DDX42: variants seen among roughly 807,000 people sequenced by gnomAD.
The protein encoded by DDX42 is DEAD-box helicase 42, also known as ATP-dependent RNA helicase DDX42.
Under a neutral mutation model 101.5 loss-of-function variants are expected in DDX42, and 22 were observed. The ratio of observed to expected loss-of-function variants is 0.22; its 90% confidence interval spans 0.15 to 0.31. The LOEUF (loss-of-function observed/expected upper bound fraction) is 0.31. Among genes scored for constraint, DDX42 ranks in the 10% least tolerant of loss-of-function variants. The pLI, the probability that DDX42 is intolerant of heterozygous loss-of-function variation, is 1.00. For synonymous variants in DDX42, 402 were observed against 401.2 expected, an observed-to-expected ratio of 1.00 and a Z score of -0.02; for missense variants, 849 against 1,199.9, an observed-to-expected ratio of 0.71 and a Z score of 4.32.
In DDX42 at chr17:63,812,342, C is replaced by G. The variant is rs1324423631; in HGVS notation, c.1675+134C>G. 1.4e-5 allele frequency: 15 copies of G among 1,100,446 alleles called. No homozygotes were observed. The Admixed American group carries it at 3.9e-4, about 29-fold the overall frequency. 68.2% of individuals were successfully genotyped at this position (1,100,446 alleles called of 1,614,324 possible). On this transcript the variant is annotated intron_variant, in intron 14 of 17. Coordinates refer to ENST00000389924, the MANE Select transcript of DDX42 (RefSeq NM_203499.3). ...CTGGCTGGCCATCCCCTCCCAAACC[C>G]CCAAGGAAGCAGCAGTTCAGCACAG...
intron 6 of DDX42, among the ~76,000 whole-genome samples, chr17:63,802,139 A>G (rs1192049004): frequency 6.6e-6 from 1 of 152,126 alleles, no homozygotes; most frequent in African/African-American, 2.4e-5. Flanking sequence ...GTGGCACCAA[A>G]CTGTTCTAGT....
rs1172299811 is a variant in DDX42, at chr17:63,806,519, T to A, written c.727-16T>A. Reference sequence around the variant, plus strand: ...TTGAAGTACAAGTCATTCTGGGGAGTTGTCTCTATCTCTAGGTCTCTGGTG... The same window carrying A: ...TTGAAGTACAAGTCATTCTGGGGAGATGTCTCTATCTCTAGGTCTCTGGTG... On this transcript the variant is annotated splice_polypyrimidine_tract_variant and intron_variant, in intron 7 of 17. Coordinates refer to ENST00000389924, the MANE Select transcript of DDX42 (RefSeq NM_203499.3). The A allele has an allele frequency of 6.2e-7, 1 of 1,604,368 alleles. No homozygotes were observed. Among genetic ancestry groups the A allele is most frequent in the Non-Finnish European group, 8.5e-7 (1 of 1,175,684 alleles).
chr17:63,782,792 A>G (rs960336995), intron 1 of DDX42, among the ~76,000 whole-genome samples: 4 of 152,156 alleles, frequency 2.6e-5, no homozygotes, highest in Non-Finnish European at 5.9e-5. Context: ...TTTCAAAAAC[A>G]CTGATCTGAA....
intron 2 of DDX42, among the ~76,000 whole-genome samples, chr17:63,791,404 T>C (rs961059684): frequency 1.3e-5 from 2 of 152,164 alleles, no homozygotes; most frequent in Non-Finnish European, 2.9e-5. Context: ...CTCCACCTCC[T>C]GGGTTCAAGC....
At chr17:63,810,840 C>T (rs1236749631) in intron 12 of DDX42, among the ~76,000 whole-genome samples, 1 of 152,184 alleles carries the variant, frequency 6.6e-6, no homozygotes, top group East Asian at 1.9e-4. Flanking sequence ...TACAGATCTG[C>T]TGATTTGAAA....
intron 13 of DDX42, chr17:63,811,620 A>G: frequency 2.1e-6 from 1 of 486,142 alleles, no homozygotes; most frequent in Non-Finnish European, 3.7e-6. Context: ...TATGTGAAAA[A>G]TTACTCTGAA....
intron 1 of DDX42, among the ~76,000 whole-genome samples, chr17:63,785,031 G>T (rs898115722): frequency 6.6e-6 from 1 of 152,040 alleles, no homozygotes; most frequent in Non-Finnish European, 1.5e-5. Context: ...TTTTTAATTT[G>T]TGTGTATATA....
rs1310926895 is a variant in DDX42, at chr17:63,779,341, G to A, written c.-17+4965G>A. Among the ~76,000 whole-genome samples the A allele has an allele frequency of 2.0e-5, 3 of 152,218 alleles. No individual in the cohort carries two copies. The East Asian group carries it at 5.8e-4, about 29-fold the overall frequency. ...TGCATTGGCATGATCTCGGCCCACT[G>A]CAACCTCCGACTCCTGGGTTCAGGC... is the stretch of plus-strand genomic sequence containing the variant. On this transcript the variant is annotated intron_variant, in intron 1 of 17. Transcript: ENST00000389924.
chr17:63,781,071 T>G (rs2039482127), intron 1 of DDX42, among the ~76,000 whole-genome samples: 1 of 152,186 alleles, frequency 6.6e-6, no homozygotes, highest in Admixed American at 6.5e-5. Context: ...ATAAACAGCC[T>G]ACAAAGTACT....
At chr17:63,806,800 C>G (rs2039846662) in intron 8 of DDX42, 146 bp downstream of exon 8, 1 of 813,346 alleles carries the variant, frequency 1.2e-6, no homozygotes, top group Non-Finnish European at 1.7e-6. Context: ...TAAGAAGTCA[C>G]TAAATGGCTG....
chr17:63,815,535 A>G, intron 15 of DDX42, 28 bp from the exon 16 acceptor site: 1 of 1,541,848 alleles, frequency 6.5e-7, no homozygotes. Context: ...CCCTCCCTTG[A>G]CTTAACCTTG....
chr17:63,797,374 T>G (rs1345838959), intron 3 of DDX42, among the ~76,000 whole-genome samples: 1 of 120,500 alleles, frequency 8.3e-6, no homozygotes, highest in Non-Finnish European at 1.8e-5. Flanking sequence ...AAAAAAAGAA[T>G]TGCCTATGAA....
Position 63,811,144 on chromosome 17 carries a change from A to G in DDX42, c.1369A>G (p.Ile457Val), listed in dbSNP as rs747552625. Residue 457 changes from isoleucine to valine, a missense_variant, in exon 13 of 18, where the codon ATT becomes GTT. By Grantham distance (29) the Ile-to-Val change is conservative. This residue lies in a region of DDX42 where 370 missense variants were observed against 608.8 expected (regional missense o/e 0.61). Coordinates refer to ENST00000389924, the MANE Select transcript of DDX42 (RefSeq NM_203499.3). ...GGCCAGAGACATCCTGATCGACCCT[A>G]TTCGAGTGGTGCAGGGAGATATTGG... Reference protein sequence around the residue: ...KLARDILIDPIRVVQGDIGEA... With the variant: ...KLARDILIDPVRVVQGDIGEA... 5.6e-6 allele frequency: 9 copies of G among 1,614,150 alleles called. No homozygotes were observed. The highest frequency in any genetic ancestry group is 8.5e-7 in the Non-Finnish European group (1 of 1,180,010).
chr17:63,784,518 G>A (rs911684538), intron 1 of DDX42, among the ~76,000 whole-genome samples: 1 of 152,190 alleles, frequency 6.6e-6, no homozygotes, highest in African/African-American at 2.4e-5. Flanking sequence ...TGTGAGTCAT[G>A]TCTGTTAATT....
intron 8 of DDX42, 109 bp downstream of exon 8, chr17:63,806,763 G>A (rs753865583): frequency 4.2e-5 from 50 of 1,197,470 alleles, no homozygotes; most frequent in Middle Eastern, 2.2e-4. Flanking sequence ...GAACCTTGTT[G>A]ATAAGGATAG....
chr17:63,799,066 G>T (rs59072233), intron 4 of DDX42, among the ~76,000 whole-genome samples: 3,579 of 152,226 alleles, frequency 0.024, 156 homozygotes, highest in African/African-American at 0.082. Context: ...CTGTTTAAGC[G>T]TTTTATTCCC....
Position 63,808,927 on chromosome 17 carries a change from A to G in DDX42, c.1131A>G (p.Ala377=), listed in dbSNP as rs767198791. 15 of 1,613,784 alleles carry G rather than the reference A, an allele frequency of 9.3e-6. No homozygotes were observed. The African/African-American group carries it at 1.7e-4, about 19-fold the overall frequency. Residue 377 remains alanine (A), a synonymous_variant, in exon 10 of 18, where the codon GCA becomes GCG. Transcript: ENST00000389924. The stretch of plus-strand genomic sequence containing the variant: ...AGGCCAAGGCCCTTCAGGAGGGGGC[A>G]GAGATTGTTGTGTGTACCCCAGTAA... ...WEQAKALQEG[A]EIVVCTPGRL... is the part of the protein sequence containing the mutation.
chr17:63,792,595 G>A, intron 3 of DDX42, 33 bp downstream of exon 3: 1 of 1,590,964 alleles, frequency 6.3e-7, no homozygotes, highest in Non-Finnish European at 8.6e-7. Context: ...AAAATATTTA[G>A]CAGTTAGAAA....
chr17:63,794,286 A>G (rs950083905), intron 3 of DDX42, among the ~76,000 whole-genome samples: 3 of 152,136 alleles, frequency 2.0e-5, no homozygotes, highest in African/African-American at 4.8e-5. Context: ...GCTCATACCT[A>G]TAATCCCAGC....
Sources: allele counts gnomAD v4.1 joint callset (sites outside exome capture counted in the v4.1 genomes callset), GRCh38; gene constraint gnomAD v4.1.1; regional missense constraint gnomAD v4.1.1; transcripts MANE v1.5; gene names NCBI Gene and HGNC (gene_info 2026-07-23, HGNC 2026-07-21).